CIT: variants seen among roughly 807,000 people sequenced by gnomAD.
The protein encoded by CIT is citron Rho-interacting kinase.
A neutral mutation model predicts 272.7 loss-of-function variants in CIT; 79 were observed. The observed-to-expected ratio is 0.29, with a 90% CI of 0.24 to 0.35. The LOEUF (loss-of-function observed/expected upper bound fraction) is 0.35, where lower values mean the gene tolerates loss of function less well. Among genes scored for constraint, CIT ranks in the 10% least tolerant of loss-of-function variants. CIT has a pLI of 1.00. For synonymous variants in CIT, 948 were observed against 995.6 expected, an observed-to-expected ratio of 0.95 and a Z score of 0.90; for missense variants, 1,909 against 2,618.3, an observed-to-expected ratio of 0.73 and a Z score of 5.91.
Position 119,734,207 on chromosome 12 carries a change from C to G in CIT, c.3307G>C (p.Val1103Leu). 6.2e-7 allele frequency: 1 copy of G among 1,613,842 alleles called. No individual in the cohort carries two copies. Among genetic ancestry groups the G allele is most frequent in the Non-Finnish European group, 8.5e-7 (1 of 1,179,974 alleles). Reference sequence around the variant, plus strand: ...TCCAGCATTCTCTGCAGCTCTCGAACCCGACACTCAAACTGGGATTTCTCA... The same window carrying G: ...TCCAGCATTCTCTGCAGCTCTCGAAGCCGACACTCAAACTGGGATTTCTCA... ...GDEKSQFECR[V>L]RELQRMLDTE... is the part of the protein sequence containing the mutation. The change falls in exon 26 of 48, where the codon GTT becomes CTT. Residue 1103 changes from valine (V) to leucine (L), a missense_variant. Physicochemically the swap from Val to Leu is conservative, Grantham distance 32. Around this residue, in one of 8 missense-constraint regions of CIT, gnomAD observed 530 missense variants for 822.4 expected, o/e 0.64. Coordinates refer to ENST00000392521, the MANE Select transcript of CIT (RefSeq NM_001206999.2).
chr12:119,828,885 C>T (rs1396213194), intron 7 of CIT, among the ~76,000 whole-genome samples: 1 of 151,788 alleles, frequency 6.6e-6, no homozygotes, highest in African/African-American at 2.4e-5. Flanking sequence ...TTAATTTTTA[C>T]TGTATTAACA....
chr12:119,729,351 G>A (rs1958302893), intron 27 of CIT, among the ~76,000 whole-genome samples: 2 of 151,966 alleles, frequency 1.3e-5, no homozygotes, highest in African/African-American at 2.4e-5. Context: ...ATAAGTATCC[G>A]GTAAGAAAAT....
chr12:119,772,468 C>T (rs964173676), intron 17 of CIT, among the ~76,000 whole-genome samples: 1 of 152,012 alleles, frequency 6.6e-6, no homozygotes, highest in African/African-American at 2.4e-5. Flanking sequence ...AAGAAAAAAC[C>T]AGTGATGGAG....
chr12:119,863,724 G>T (rs893814734), intron 3 of CIT, among the ~76,000 whole-genome samples: 57 of 151,452 alleles, frequency 3.8e-4, no homozygotes, highest in Admixed American at 1.5e-3. Flanking sequence ...AGACGGGGGG[G>T]TTTCACCATG....
rs777537592 is a variant in CIT at position 119,855,500 on chromosome 12, G to A, written c.414+2023C>T. ...AGCTGTCAGAGAACCCTGGGTGGGC[G>A]TGCGGGCCTCTCCCAGGCGGCAGGC... On this transcript the variant is annotated intron_variant, in intron 4 of 47. Transcript: ENST00000392521. Among the ~76,000 whole-genome samples the A allele has an allele frequency of 1.5e-3, 229 of 152,214 alleles. 1 individual carries two copies. The highest frequency in any genetic ancestry group is 1.0e-3 in the Non-Finnish European group (70 of 68,008).
chr12:119,869,257 A>G (rs1156301100), intron 2 of CIT, 56 bp from the exon 3 acceptor site: 2 of 1,538,072 alleles, frequency 1.3e-6, no homozygotes, highest in African/African-American at 1.4e-5. Flanking sequence ...GCTTTGATCA[A>G]TAACATCCAC....
chr12:119,706,485 G>A (rs1448652229), intron 40 of CIT, among the ~76,000 whole-genome samples: 1 of 151,666 alleles, frequency 6.6e-6, no homozygotes, highest in Non-Finnish European at 1.5e-5. Context: ...TCCCCTCTAT[G>A]TGTCCATGTG....
chr12:119,723,456 AAGCATTT>A (rs1957912329), intron 28 of CIT, among the ~76,000 whole-genome samples: 1 of 152,014 alleles, frequency 6.6e-6, no homozygotes, highest in Admixed American at 6.6e-5. Flanking sequence ...TGTTTTTCAG[AAGCATTT>A]ACCTGCTTCC....
At chr12:119,781,813 A>T (rs1467552119) in intron 13 of CIT, among the ~76,000 whole-genome samples, 1 of 152,242 alleles carries the variant, frequency 6.6e-6, no homozygotes, top group Admixed American at 6.5e-5. Context: ...ATATTTCTTT[A>T]TGTAAGTAAA....
chr12:119,720,850 A>G (rs1957785278), intron 29 of CIT, among the ~76,000 whole-genome samples: 1 of 152,252 alleles, frequency 6.6e-6, no homozygotes, highest in South Asian at 2.1e-4. Context: ...AACTTCTCTG[A>G]ATGTTTGCAA....
At position 119,807,035 on chromosome 12, in the gene CIT, T is replaced by C. The variant is rs368117305; in HGVS notation, c.1112-3646A>G. Reference sequence around the variant, plus strand: ...ACATAGAACCTTGATACTTAAGCTATGGTCTACACACTGGCATTATCACCA... The same window carrying C: ...ACATAGAACCTTGATACTTAAGCTACGGTCTACACACTGGCATTATCACCA... On this transcript the variant is annotated intron_variant, in intron 9 of 47. Coordinates refer to ENST00000392521, the MANE Select transcript of CIT (RefSeq NM_001206999.2). 1.1e-4 allele frequency among the ~76,000 whole-genome samples: 17 copies of C among 152,308 alleles called. No individual in the cohort carries two copies. The South Asian group carries it at 2.3e-3, about 20-fold the overall frequency.
chr12:119,809,618 C>G (rs2137932744), intron 9 of CIT, among the ~76,000 whole-genome samples: 1 of 152,308 alleles, frequency 6.6e-6, no homozygotes, highest in South Asian at 2.1e-4. Flanking sequence ...AGGCAGGACT[C>G]TAATCTTCCC....
Position 119,768,712 on chromosome 12 carries a change from A to G in CIT, c.2209-1530T>C, listed in dbSNP as rs1798101846. 6.6e-6 allele frequency among the ~76,000 whole-genome samples: 1 copy of G among 152,260 alleles called. No individual in the cohort carries two copies. Among genetic ancestry groups the G allele is most frequent in the African/African-American group, 2.4e-5 (1 of 41,464 alleles). On this transcript the variant is annotated intron_variant, in intron 18 of 47. Coordinates refer to ENST00000392521, the MANE Select transcript of CIT (RefSeq NM_001206999.2). The surrounding 1 kb of genome is among the most constrained non-coding windows in gnomAD (Gnocchi z 4.3). ...AGGATTAATAAAAACATATTTTAAA[A>G]GGTTCTATATGTACTTGGCTAAACG...
At chr12:119,721,803 C>T (rs912666247) in intron 28 of CIT, among the ~76,000 whole-genome samples, 5 of 152,140 alleles carry the variant, frequency 3.3e-5, no homozygotes, top group Admixed American at 1.3e-4. Context: ...TAAGGCAGTT[C>T]GACTCAGTGC....
At chr12:119,739,799 T>C (rs1002877057) in intron 24 of CIT, among the ~76,000 whole-genome samples, 4 of 152,170 alleles carry the variant, frequency 2.6e-5, no homozygotes, top group Admixed American at 6.5e-5. Context: ...CATGACTCAG[T>C]GTTCCATAAG....
intron 6 of CIT, among the ~76,000 whole-genome samples, chr12:119,833,662 T>TG (rs1968797154): frequency 2.1e-5 from 1 of 47,420 alleles, no homozygotes; most frequent in East Asian, 9.6e-4. Flanking sequence ...AGACTCTGTC[T>TG]CAAAAAAAAA....
chr12:119,721,266 C>T lies in CIT; in HGVS notation c.3732+43G>A, dbSNP rs367597665. ...ACAGGCATGAGCCACTGCGCCCAGC[C>T]GTGCAGACCATTTTTAAGCAGATTC... On this transcript the variant is annotated intron_variant, in intron 29 of 47. Transcript: ENST00000392521. 8.3e-5 allele frequency: 129 copies of T among 1,557,706 alleles called. No homozygotes were observed. In the East Asian group the frequency reaches 1.6e-3, roughly 19 times the overall value.
At chr12:119,825,604 A>T (rs2138066865) in intron 7 of CIT, among the ~76,000 whole-genome samples, 1 of 152,186 alleles carries the variant, frequency 6.6e-6, no homozygotes, top group East Asian at 1.9e-4. Context: ...AGAATTGTTG[A>T]TGATATACAC....
At chr12:119,693,670 G>A (rs1956076023) in intron 46 of CIT, among the ~76,000 whole-genome samples, 1 of 152,188 alleles carries the variant, frequency 6.6e-6, no homozygotes, top group Admixed American at 6.5e-5. Flanking sequence ...TCTTGAAGCA[G>A]GGCCAAGCCA....
Sources: allele counts gnomAD v4.1 joint callset (sites outside exome capture counted in the v4.1 genomes callset), GRCh38; gene constraint gnomAD v4.1.1; regional missense constraint gnomAD v4.1.1; non-coding constraint Gnocchi (gnomAD v3.1); transcripts MANE v1.5; gene names NCBI Gene and HGNC (gene_info 2026-07-23, HGNC 2026-07-21).